ITIH5: variants seen among roughly 807,000 people sequenced by gnomAD.
The protein encoded by ITIH5 is inter-alpha-trypsin inhibitor heavy chain 5.
ITIH5 carries 65 observed loss-of-function variants against 77.5 expected under a neutral mutation model. The ratio of observed to expected loss-of-function variants is 0.84; its 90% confidence interval spans 0.69 to 1.03. The LOEUF is 1.03. ITIH5 is among the 50% of genes least tolerant of loss of function. ITIH5 has a pLI of 0.00. For missense variants in ITIH5, 1,208 were observed against 1,213.1 expected (o/e 1.00, Z 0.06); for synonymous variants, 525 against 494.3 (o/e 1.06, Z -0.82).
At chr10:7,647,951 A>G (rs940896379) in intron 2 of ITIH5, among the ~76,000 whole-genome samples, 1 of 152,142 alleles carries the variant, frequency 6.6e-6, no homozygotes, top group Non-Finnish European at 1.5e-5. Context: ...TCTTTCAAAA[A>G]AGAACACAGT....
intron 2 of ITIH5, among the ~76,000 whole-genome samples, chr10:7,651,607 CA>C (rs2131100836): frequency 6.7e-6 from 1 of 149,902 alleles, no homozygotes; most frequent in Non-Finnish European, 1.5e-5. Context: ...GACTCTGTCT[CA>C]AAATAATAAT....
chr10:7,636,782 G>A (rs948853708), intron 5 of ITIH5, among the ~76,000 whole-genome samples: 17 of 152,058 alleles, frequency 1.1e-4, no homozygotes, highest in African/African-American at 3.6e-4. Context: ...GGCCGGGTGC[G>A]CTGGCTCACA....
rs149562316 is a variant in ITIH5 at position 7,565,303 on chromosome 10, GTATA to G, written c.2527+723_2527+726del. ...TATACACACACCATACATACAGACT[GTATA>G]TATATATACACACACACATCACACA... On this transcript the variant is annotated intron_variant, in intron 13 of 13. Coordinates refer to ENST00000397146, the MANE Select transcript of ITIH5 (RefSeq NM_030569.7). 2.7e-5 allele frequency among the ~76,000 whole-genome samples: 4 copies of G among 146,272 alleles called. No homozygotes were observed. The Admixed American group carries it at 2.7e-4, about 10-fold the overall frequency.
In ITIH5 at chr10:7,566,491, G is replaced by A. The variant is rs1446320490; in HGVS notation, c.2150-84C>T. The A allele has an allele frequency of 5.1e-6, 7 of 1,380,002 alleles. No individual in the cohort carries two copies. In the East Asian group the frequency reaches 1.6e-4, roughly 32 times the overall value. 85.5% of individuals were successfully genotyped at this position (1,380,002 alleles called of 1,614,324 possible). A position where few individuals can be genotyped will look rare whatever the true frequency, so the allele number is the denominator to read the frequency against. ...CACCTGTAATCCCAGCACTTAGAAGGCCAGGGCAGGTGGATTGCCTGAGTC... is the reference window on the plus strand; with the variant it reads ...CACCTGTAATCCCAGCACTTAGAAGACCAGGGCAGGTGGATTGCCTGAGTC... On this transcript the variant is annotated intron_variant, in intron 12 of 13. Coordinates refer to ENST00000397146, the MANE Select transcript of ITIH5 (RefSeq NM_030569.7).
In ITIH5 at chr10:7,579,832, C is replaced by T. The variant is rs1832505716; in HGVS notation, c.1341G>A (p.Leu447=). The T allele has an allele frequency of 1.9e-6, 3 of 1,614,204 alleles. No individual in the cohort carries two copies. The East Asian group carries it at 6.7e-5, about 36-fold the overall frequency. ...CACAGTTCTCCAGCGACAGTTTCTC[C>T]AGCAGCCTGAAGTCCACGTCGTTGC... is the stretch of plus-strand genomic sequence containing the variant. The part of the protein sequence containing the change: ...GIGNDVDFRL[L]EKLSLENCGL... The change falls in exon 9 of 14, where the codon CTG becomes CTA. Residue 447 remains leucine, a synonymous_variant. Transcript: ENST00000397146.
chr10:7,590,786 A>G (rs1832777635), intron 7 of ITIH5, among the ~76,000 whole-genome samples: 1 of 152,234 alleles, frequency 6.6e-6, no homozygotes, highest in African/African-American at 2.4e-5. Flanking sequence ...AAGGGCTTGC[A>G]CTTTAGGAAG....
intron 5 of ITIH5, among the ~76,000 whole-genome samples, chr10:7,632,661 C>A (rs989583389): frequency 6.6e-6 from 1 of 152,092 alleles, no homozygotes; most frequent in Non-Finnish European, 1.5e-5. Context: ...AGCTCCGTAG[C>A]CCCACCCTAA....
At chr10:7,563,969 A>G (rs4749017) in intron 13 of ITIH5, among the ~76,000 whole-genome samples, 148,337 of 152,398 alleles carry the variant, frequency 0.97, 72,304 homozygotes, top group East Asian at 1. Context: ...ACTAAACTGA[A>G]CCCTGACAAT....
intron 4 of ITIH5, among the ~76,000 whole-genome samples, chr10:7,640,243 C>T (rs538234166): frequency 3.4e-4 from 51 of 149,068 alleles, no homozygotes; most frequent in Non-Finnish European, 5.5e-4. Context: ...GGCTGAAGTG[C>T]GAGGACTGCT....
chr10:7,628,896 G>A (rs1833645265), intron 5 of ITIH5, among the ~76,000 whole-genome samples: 1 of 138,374 alleles, frequency 7.2e-6, no homozygotes, highest in African/African-American at 2.6e-5. Flanking sequence ...TGTCCGTGTT[G>A]TGGCATGCAT....
At chr10:7,579,294 G>A (rs1184814557) in intron 9 of ITIH5, among the ~76,000 whole-genome samples, 1 of 152,246 alleles carries the variant, frequency 6.6e-6, no homozygotes, top group Non-Finnish European at 1.5e-5. Flanking sequence ...GGGAGGCCAA[G>A]GCGGGCAGAT....
At chr10:7,564,110 G>A (rs568079609) in intron 13 of ITIH5, among the ~76,000 whole-genome samples, 8 of 152,368 alleles carry the variant, frequency 5.3e-5, no homozygotes, top group African/African-American at 1.4e-4. Context: ...CAGGCTGGGC[G>A]CTGGGCAGGG....
intron 1 of ITIH5, among the ~76,000 whole-genome samples, chr10:7,661,697 A>T (rs190542557): frequency 5.3e-5 from 8 of 152,272 alleles, no homozygotes; most frequent in African/African-American, 2.4e-5. Flanking sequence ...TTCCAGAAAG[A>T]TTGTTTTTTA....
At chr10:7,647,604 T>C (rs1268081873) in intron 2 of ITIH5, among the ~76,000 whole-genome samples, 1 of 152,228 alleles carries the variant, frequency 6.6e-6, no homozygotes, top group African/African-American at 2.4e-5. Context: ...CTAGTCTCTG[T>C]AGACATTCGA....
At chr10:7,564,225 T>C (rs1832095962) in intron 13 of ITIH5, among the ~76,000 whole-genome samples, 1 of 152,236 alleles carries the variant, frequency 6.6e-6, no homozygotes, top group Non-Finnish European at 1.5e-5. Context: ...AGAGAACTAC[T>C]GGTTTATAAA....
intron 4 of ITIH5, 53 bp from the exon 5 acceptor site, chr10:7,637,531 A>G: frequency 6.4e-7 from 1 of 1,569,870 alleles, no homozygotes; most frequent in Non-Finnish European, 8.6e-7. Context: ...GGATAGAGCC[A>G]GGTTCCCTCA....
Position 7,613,284 on chromosome 10 carries a change from A to G in ITIH5, c.939+2698T>C, listed in dbSNP as rs572963566. 2.0e-5 allele frequency among the ~76,000 whole-genome samples: 3 copies of G among 151,898 alleles called. No homozygotes were observed. The South Asian group carries it at 6.2e-4, about 32-fold the overall frequency. Reference sequence around the variant, plus strand: ...AAAAAAAAAAAAGAACTTGTAGCCCATAATGCGAAGAACTTCACAAGGTAT... The same window carrying G: ...AAAAAAAAAAAAGAACTTGTAGCCCGTAATGCGAAGAACTTCACAAGGTAT... On this transcript the variant is annotated intron_variant, in intron 7 of 13. Coordinates refer to ENST00000397146, the MANE Select transcript of ITIH5 (RefSeq NM_030569.7).
chr10:7,573,313 TTAAA>T, intron 10 of ITIH5, 118 bp from the exon 11 acceptor site: 1 of 773,318 alleles, frequency 1.3e-6, no homozygotes, highest in Non-Finnish European at 2.2e-6. Flanking sequence ...TTGTAACAGC[TTAAA>T]TAATCAAAAG....
chr10:7,608,734 C>A (rs550416332), intron 7 of ITIH5, among the ~76,000 whole-genome samples: 2 of 152,344 alleles, frequency 1.3e-5, no homozygotes, highest in East Asian at 3.9e-4. Context: ...CACGCACACT[C>A]GGATGTCACT....
Sources: gnomAD v4.1 joint callset for allele counts (sites outside exome capture counted in the v4.1 genomes callset) on GRCh38, gnomAD v4.1.1 for gene constraint, MANE v1.5 for transcripts, NCBI Gene and HGNC (gene_info 2026-07-23, HGNC 2026-07-21) for gene names.